Variants in HPSE2 observed in about 807,000 individuals in gnomAD.
The protein encoded by HPSE2 is heparanase 2 (inactive).
HPSE2 carries 38 observed loss-of-function variants against 60.5 expected under a neutral mutation model. The ratio of observed to expected loss-of-function variants is 0.63; its 90% confidence interval spans 0.48 to 0.82. The LOEUF (loss-of-function observed/expected upper bound fraction) is 0.82. HPSE2 is among the 40% of genes least tolerant of loss of function. HPSE2 has a pLI of 0.00. For synonymous variants in HPSE2, 295 were observed against 293.2 expected (o/e 1.01, Z -0.06); for missense variants, 713 against 740.4 (o/e 0.96, Z 0.43).
At chr10:98,527,836 G>A (rs1943015419) in intron 9 of HPSE2, among the ~76,000 whole-genome samples, 1 of 152,120 alleles carries the variant, frequency 6.6e-6, no homozygotes, top group African/African-American at 2.4e-5. Context: ...ATGGGCCACT[G>A]CTGTGCCCAG....
At position 99,100,749 on chromosome 10, in the gene HPSE2, C is replaced by T. The variant is rs571139522; in HGVS notation, c.610+43489G>A. On this transcript the variant is annotated intron_variant, in intron 3 of 11. Coordinates refer to ENST00000370552, the MANE Select transcript of HPSE2 (RefSeq NM_021828.5). ...GTTAAGGGCAGCCAGAGAGAAAGGT[C>T]GGGTTACCCTCAAAGGGAAGCCCAT... 2.0e-5 allele frequency among the ~76,000 whole-genome samples: 3 copies of T among 152,258 alleles called. No homozygotes were observed. The South Asian group carries it at 6.2e-4, about 32-fold the overall frequency.
chr10:98,817,411 C>A (rs541358376), intron 3 of HPSE2, among the ~76,000 whole-genome samples: 5 of 152,200 alleles, frequency 3.3e-5, no homozygotes, highest in Non-Finnish European at 7.4e-5. Context: ...CAAAACTAGG[C>A]TTCTCCAAAT....
chr10:98,962,991 A>C (rs1339761533), intron 3 of HPSE2, among the ~76,000 whole-genome samples: 1 of 152,190 alleles, frequency 6.6e-6, no homozygotes, highest in Non-Finnish European at 1.5e-5. Flanking sequence ...TCTACAGAGC[A>C]CATTCTCTGT....
intron 9 of HPSE2, among the ~76,000 whole-genome samples, chr10:98,520,246 G>T (rs1942743393): frequency 6.6e-6 from 1 of 152,150 alleles, no homozygotes; most frequent in Non-Finnish European, 1.5e-5. Flanking sequence ...GAACAGTGGG[G>T]ACATGTTTTC....
chr10:99,117,925 A>C (rs1844774916), intron 3 of HPSE2, among the ~76,000 whole-genome samples: 1 of 152,136 alleles, frequency 6.6e-6, no homozygotes. Flanking sequence ...AAAAAGAAAA[A>C]TTCAGGCCAA....
intron 3 of HPSE2, among the ~76,000 whole-genome samples, chr10:98,840,501 A>G (rs538990510): frequency 1.3e-5 from 2 of 152,300 alleles, no homozygotes; most frequent in African/African-American, 4.8e-5. Context: ...AGAGATAATA[A>G]GGGCTTCGAC....
At chr10:99,191,306 G>A (rs952515621) in intron 2 of HPSE2, among the ~76,000 whole-genome samples, 1 of 152,036 alleles carries the variant, frequency 6.6e-6, no homozygotes, top group Non-Finnish European at 1.5e-5. Flanking sequence ...CTGTCACCGA[G>A]ACCCAATGCT....
chr10:98,803,760 C>A (rs1300047365), intron 3 of HPSE2, among the ~76,000 whole-genome samples: 3 of 151,018 alleles, frequency 2.0e-5, no homozygotes, highest in Admixed American at 2.0e-4. Context: ...TAGCATGATG[C>A]CTCCAGCTTT....
At chr10:99,301,201 C>T in the HPSE2 span, among the ~76,000 whole-genome samples, 5 of 152,204 alleles carry the variant, frequency 3.3e-5, no homozygotes, top group African/African-American at 1.2e-4. Flanking sequence ...GACAGTTCTT[C>T]CCCAAGGTTT....
chr10:98,860,030 G>T (rs1452807932), intron 3 of HPSE2, among the ~76,000 whole-genome samples: 4 of 152,000 alleles, frequency 2.6e-5, no homozygotes, highest in South Asian at 2.1e-4. Flanking sequence ...TTTATCATAG[G>T]TATATAAGTA....
intron 3 of HPSE2, among the ~76,000 whole-genome samples, chr10:99,021,075 T>C (rs1314805330): frequency 6.6e-6 from 1 of 152,204 alleles, no homozygotes; most frequent in Non-Finnish European, 1.5e-5. Flanking sequence ...CTCGAAATTA[T>C]CTGATCCCTC....
At chr10:98,762,372 T>C (rs1232597185) in intron 3 of HPSE2, among the ~76,000 whole-genome samples, 2 of 151,710 alleles carry the variant, frequency 1.3e-5, no homozygotes, top group Non-Finnish European at 2.9e-5. Flanking sequence ...GTCTCTTAAA[T>C]CCAGAGAGAA....
Position 99,099,639 on chromosome 10 carries a change from G to C in HPSE2, c.610+44599C>G, listed in dbSNP as rs573430082. ...TGTCCCTGTCTGACAGCTTTGAAGA[G>C]AGTAGTGGTTCTCCAAGCACAGAGT... On this transcript the variant is annotated intron_variant, in intron 3 of 11. Transcript: ENST00000370552. 2.0e-5 allele frequency among the ~76,000 whole-genome samples: 3 copies of C among 152,334 alleles called. No individual in the cohort carries two copies. The East Asian group carries it at 5.8e-4, about 29-fold the overall frequency.
intron 3 of HPSE2, among the ~76,000 whole-genome samples, chr10:99,022,670 T>C (rs1393442421): frequency 6.6e-6 from 1 of 152,124 alleles, no homozygotes; most frequent in Non-Finnish European, 1.5e-5. Flanking sequence ...CACAGCAGGA[T>C]AGGCACTGAT....
At chr10:98,649,936 G>A (rs1946872965) in intron 6 of HPSE2, among the ~76,000 whole-genome samples, 1 of 152,200 alleles carries the variant, frequency 6.6e-6, no homozygotes, top group Non-Finnish European at 1.5e-5. Flanking sequence ...ACCTGAGCTT[G>A]CTCCTGGGGA....
chr10:98,639,642 A>G (rs1565039673), intron 7 of HPSE2, among the ~76,000 whole-genome samples: 1 of 152,210 alleles, frequency 6.6e-6, no homozygotes, highest in Non-Finnish European at 1.5e-5. Context: ...CCCTGGATAA[A>G]TCAGGAAGTA....
At chr10:98,693,006 G>A (rs907027800) in intron 6 of HPSE2, among the ~76,000 whole-genome samples, 1 of 152,340 alleles carries the variant, frequency 6.6e-6, no homozygotes, top group Admixed American at 6.5e-5. Flanking sequence ...TGAATCCACA[G>A]TGGATAGTGT....
chr10:98,923,668 C>T (rs1327896705), intron 3 of HPSE2, among the ~76,000 whole-genome samples: 1 of 151,862 alleles, frequency 6.6e-6, no homozygotes, highest in East Asian at 1.9e-4. Flanking sequence ...TCTGCTTGAT[C>T]AATTCTGCTA....
intron 3 of HPSE2, among the ~76,000 whole-genome samples, chr10:98,976,725 C>A (rs1233344436): frequency 6.8e-6 from 1 of 147,034 alleles, no homozygotes; most frequent in East Asian, 1.9e-4. Flanking sequence ...TTGTTGCTAT[C>A]CGTGGTAAGC....
Sources: allele counts gnomAD v4.1 joint callset (sites outside exome capture counted in the v4.1 genomes callset), GRCh38; gene constraint gnomAD v4.1.1; transcripts MANE v1.5; gene names NCBI Gene and HGNC (gene_info 2026-07-23, HGNC 2026-07-21).